Variants in CYB5R3 observed in about 807,000 individuals in gnomAD.
CYB5R3 encodes NADH-cytochrome b5 reductase 3.
CYB5R3 carries 28 observed loss-of-function variants against 36.5 expected under a neutral mutation model. The ratio of observed to expected loss-of-function variants is 0.77; its 90% CI spans 0.57 to 1.05. CYB5R3 has a LOEUF of 1.05. Among genes scored for constraint, CYB5R3 ranks in the 50% least tolerant of loss-of-function variants. The pLI, the probability that CYB5R3 is intolerant of heterozygous loss-of-function variation, is 0.00. For missense variants in CYB5R3, 474 were observed against 408.9 expected (o/e 1.16, Z -1.37); for synonymous variants, 181 against 159.8 (o/e 1.13, Z -1.00).
intron 1 of CYB5R3, 65 bp from the exon 2 acceptor site, chr22:42,636,911 C>G (rs1456947846): frequency 5.7e-6 from 9 of 1,582,636 alleles, no homozygotes. Context: ...ACCGGCTTGT[C>G]CACACTACCA....
Position 42,619,953 on chromosome 22 carries a change from G to GT in CYB5R3, c.734-9dup, listed in dbSNP as rs1028562688. The GT allele has an allele frequency of 6.3e-7, 1 of 1,591,570 alleles. No individual in the cohort carries two copies. The highest frequency in any genetic ancestry group is 1.3e-5 in the African/African-American group (1 of 74,542). ...CCTGGCCGTAGTCCCAGGCTGTGGG[G>GT]TGAGAGACCAGGTAAGCTGACGTGT... On this transcript the variant is annotated splice_polypyrimidine_tract_variant and intron_variant, in intron 8 of 8. Coordinates refer to ENST00000352397, the MANE Select transcript of CYB5R3 (RefSeq NM_000398.7).
chr22:42,627,491 C>G, intron 6 of CYB5R3, 102 bp from the exon 7 acceptor site: 1 of 1,458,138 alleles, frequency 6.9e-7, no homozygotes, highest in Non-Finnish European at 9.6e-7. Flanking sequence ...GACCACTGGG[C>G]CTGGGCCCCT....
chr22:42,623,928 G>A lies in CYB5R3; in HGVS notation c.634-40C>T, dbSNP rs1386971695. The A allele has an allele frequency of 9.7e-6, 15 of 1,553,236 alleles. No homozygotes were observed. In the South Asian group the frequency reaches 1.4e-4, roughly 15 times the overall value. ...GCCAGGCAGTCAGGAAGGATGGGTG[G>A]CAGACTGCCCCTGGAGACACTCAAC... On this transcript the variant is annotated intron_variant, in intron 7 of 8. Transcript: ENST00000352397.
chr22:42,621,796 T>C (rs955847936), intron 8 of CYB5R3, among the ~76,000 whole-genome samples: 1 of 152,254 alleles, frequency 6.6e-6, no homozygotes, highest in Non-Finnish European at 1.5e-5. Flanking sequence ...ATCACTCATC[T>C]GGAATTGGGA....
At chr22:42,627,422 T>G in intron 6 of CYB5R3, 33 bp from the exon 7 acceptor site, 1 of 1,601,246 alleles carries the variant, frequency 6.2e-7, no homozygotes, top group Non-Finnish European at 8.5e-7. Context: ...TCGCACGTGC[T>G]GAGCGAGGCC....
chr22:42,640,545 A>T (rs7293119), intron 1 of CYB5R3: 3,080 of 176,920 alleles, frequency 0.017, 100 homozygotes, highest in African/African-American at 0.069. Context: ...CGTCTGGCTA[A>T]TTTTTGTACT....
At chr22:42,631,477 C>T (rs1020349755) in intron 2 of CYB5R3, 27 bp from the exon 3 acceptor site, 5 of 1,550,630 alleles carry the variant, frequency 3.2e-6, no homozygotes, top group Middle Eastern at 3.3e-4. Flanking sequence ...AGCTGCTGAA[C>T]GGTCCCCAGG....
chr22:42,642,543 A>G (rs373865806), intron 1 of CYB5R3, among the ~76,000 whole-genome samples: 1 of 152,176 alleles, frequency 6.6e-6, no homozygotes, highest in Non-Finnish European at 1.5e-5. Context: ...GGTTCACACC[A>G]TTCTCCTGCC....
Position 42,627,406 on chromosome 22 carries a change from C to T in CYB5R3, c.548-17G>A, listed in dbSNP as rs766227257. On this transcript the variant is annotated splice_polypyrimidine_tract_variant and intron_variant, in intron 6 of 8. Coordinates refer to ENST00000352397, the MANE Select transcript of CYB5R3 (RefSeq NM_000398.7). ...GGGTGATGCCTGCAAAATAGCCGGC[C>T]GGGCCTCGCACGTGCTGAGCGAGGC... The T allele has an allele frequency of 1.1e-4, 178 of 1,612,354 alleles. No homozygotes were observed. In the Middle Eastern group the frequency reaches 2.7e-3, roughly 24 times the overall value.
chr22:42,619,984 T>C (rs1438559004), intron 8 of CYB5R3, 39 bp from the exon 9 acceptor site: 7 of 1,560,710 alleles, frequency 4.5e-6, no homozygotes, highest in Middle Eastern at 1.7e-4. Flanking sequence ...CGTGTGGCTG[T>C]GTGGTCACCA....
intron 8 of CYB5R3, 75 bp from the exon 9 acceptor site, chr22:42,620,020 G>A (rs1056061092): frequency 3.2e-5 from 44 of 1,373,316 alleles, no homozygotes; most frequent in African/African-American, 1.9e-4. Context: ...AACCCTAGGC[G>A]GTGAATTCCT....
chr22:42,621,770 C>G lies in CYB5R3; in HGVS notation c.734-1825G>C, dbSNP rs964855893. On this transcript the variant is annotated intron_variant, in intron 8 of 8. Transcript: ENST00000352397. ...TGGCCACAGGGCAGGGGCTCCTGCA[C>G]GCACCAGGGATCTGGATCACTCATC... Among the ~76,000 whole-genome samples, 11 of 152,364 alleles carry G rather than the reference C, an allele frequency of 7.2e-5. No homozygotes were observed. In the East Asian group the frequency reaches 1.9e-3, roughly 27 times the overall value.
intron 1 of CYB5R3, chr22:42,644,421 C>A: frequency 1.4e-6 from 1 of 728,782 alleles, no homozygotes; most frequent in Non-Finnish European, 2.5e-6. Flanking sequence ...AACATCAAGC[C>A]CATCTTGCTT....
Position 42,631,120 on chromosome 22 carries a change from C to T in CYB5R3, c.227-132G>A, listed in dbSNP as rs1482167171. The T allele has an allele frequency of 3.4e-6, 3 of 883,480 alleles. No individual in the cohort carries two copies. The East Asian group carries it at 7.9e-5, about 23-fold the overall frequency. The allele number at this position is 883,480 out of a possible 1,614,324, so 54.7% of individuals were successfully genotyped here. On this transcript the variant is annotated intron_variant, in intron 3 of 8. Transcript: ENST00000352397. ...CTGGCGTCAGCTCCCACGGCCCCCTCCCACCCCTCCCGGGGATTCCCCTCA... is the reference window on the plus strand; with the variant it reads ...CTGGCGTCAGCTCCCACGGCCCCCTTCCACCCCTCCCGGGGATTCCCCTCA...
In CYB5R3 at chr22:42,627,693, G is replaced by A. The variant is rs1412373339; in HGVS notation, c.464-5C>T. On this transcript the variant is annotated splice_region_variant and splice_polypyrimidine_tract_variant and intron_variant, in intron 5 of 8. Coordinates refer to ENST00000352397, the MANE Select transcript of CYB5R3 (RefSeq NM_000398.7). ...CAGGTCGGATGGCGAACTTCCCTGGGGAGAGAGAAGGGGTGAGGCCCGGCC... is the reference window on the plus strand; with the variant it reads ...CAGGTCGGATGGCGAACTTCCCTGGAGAGAGAGAAGGGGTGAGGCCCGGCC... 3 of 1,605,578 alleles carry A rather than the reference G, an allele frequency of 1.9e-6. No homozygotes were observed. The highest frequency in any genetic ancestry group is 2.7e-5 in the African/African-American group (2 of 74,670).
At chr22:42,648,730 C>T (rs939343961) in intron 1 of CYB5R3, among the ~76,000 whole-genome samples, 2 of 152,170 alleles carry the variant, frequency 1.3e-5, no homozygotes, top group African/African-American at 4.8e-5. Context: ...CCGTGTCATC[C>T]GGGTTCTGTT....
At position 42,623,871 on chromosome 22, in the gene CYB5R3, C is replaced by A. The variant is rs1928120303; in HGVS notation, c.651G>T (p.Leu217=). 1 of 1,614,056 alleles carries A rather than the reference C, an allele frequency of 6.2e-7. No individual in the cohort carries two copies. The highest frequency in any genetic ancestry group is 1.1e-5 in the South Asian group (1 of 91,088). ...TGAGTTCCTCCAGCTCAGGTCGCAG[C>A]AGGATGTCCTTCTCGGTCTGCAGGG... is the stretch of plus-strand genomic sequence containing the variant. ...LFANQTEKDI[L]LRPELEELRN... is the part of the protein sequence containing the mutation. The change falls in exon 8 of 9, where the codon CTG becomes CTT. Residue 217 remains leucine (L), a synonymous_variant. Coordinates refer to ENST00000352397, the MANE Select transcript of CYB5R3 (RefSeq NM_000398.7).
chr22:42,644,245 T>C (rs1929427711), intron 1 of CYB5R3: 1 of 613,126 alleles, frequency 1.6e-6, no homozygotes, highest in Non-Finnish European at 2.9e-6. Flanking sequence ...TCTGACATCC[T>C]GCCTCCCACA....
In CYB5R3 at chr22:42,618,591, T is replaced by C. The variant is rs1360299741; in HGVS notation, c.*1182A>G. The C allele has an allele frequency of 5.3e-5, 8 of 150,864 alleles. No individual in the cohort carries two copies. Among genetic ancestry groups the C allele is most frequent in the African/African-American group, 1.7e-4 (7 of 40,956 alleles). 9.3% of individuals were successfully genotyped at this position (150,864 alleles called of 1,614,324 possible). A position where few individuals can be genotyped will look rare whatever the true frequency, so the allele number is the denominator to read the frequency against. On this transcript the variant is annotated 3_prime_UTR_variant, in exon 9 of 9. Coordinates refer to ENST00000352397, the MANE Select transcript of CYB5R3 (RefSeq NM_000398.7). Reference sequence around the variant, plus strand: ...AGCTGGGTGTGGTGGTGGGCACTTTTAGTCCCAGCTACTCGGGAGGCTGAG... The same window carrying C: ...AGCTGGGTGTGGTGGTGGGCACTTTCAGTCCCAGCTACTCGGGAGGCTGAG...
Sources: gnomAD v4.1 joint callset for allele counts (sites outside exome capture counted in the v4.1 genomes callset) on GRCh38, gnomAD v4.1.1 for gene constraint, MANE v1.5 for transcripts, NCBI Gene and HGNC (gene_info 2026-07-23, HGNC 2026-07-21) for gene names.